Variants in CA1 observed in about 807,000 individuals in gnomAD.
CA1 encodes the protein carbonic anhydrase 1.
Under a neutral mutation model 28.8 loss-of-function variants are expected in CA1, and 27 were observed. The ratio of observed to expected loss-of-function variants is 0.94; its 90% confidence interval spans 0.69 to 1.29. CA1 has a LOEUF of 1.29. CA1 is among the 50% of genes most tolerant of loss of function. The pLI, the probability that CA1 is intolerant of heterozygous loss-of-function variation, is 0.00. For synonymous variants in CA1, 121 were observed against 108.8 expected (o/e 1.11, Z -0.70); for missense variants, 335 against 310.5 (o/e 1.08, Z -0.59).
chr8:85,348,659 CTTT>C (rs1809293416), intron 1 of CA1, among the ~76,000 whole-genome samples: 1 of 152,062 alleles, frequency 6.6e-6, no homozygotes, highest in African/African-American at 2.4e-5. Flanking sequence ...TCTAGACTGT[CTTT>C]TGTTTCACAG....
chr8:85,374,967 G>A (rs561331078), intron 1 of CA1, among the ~76,000 whole-genome samples: 1 of 152,224 alleles, frequency 6.6e-6, no homozygotes, highest in South Asian at 2.1e-4. Flanking sequence ...ACCTGATACA[G>A]GAAATATGAT....
At chr8:85,345,575 A>G (rs868799025) in intron 1 of CA1, among the ~76,000 whole-genome samples, 1 of 152,196 alleles carries the variant, frequency 6.6e-6, no homozygotes, top group Non-Finnish European at 1.5e-5. Context: ...AGACACTTAT[A>G]GAGAGAATAA....
In CA1 at chr8:85,336,900, G is replaced by T. The variant is rs747041787; in HGVS notation, c.354+45C>A. On this transcript the variant is annotated intron_variant, in intron 4 of 7. Transcript: ENST00000523022. ...AAAAGAAGGGAGAAGCTGCTTCTGGGAGTACTCTCAGGGTAATTATCTCTC... is the reference window on the plus strand; with the variant it reads ...AAAAGAAGGGAGAAGCTGCTTCTGGTAGTACTCTCAGGGTAATTATCTCTC... 7 of 1,126,552 alleles carry T rather than the reference G, an allele frequency of 6.2e-6. No homozygotes were observed. The South Asian group carries it at 8.6e-5, about 14-fold the overall frequency. The allele number at this position is 1,126,552 out of a possible 1,614,324, so 69.8% of individuals were successfully genotyped here.
chr8:85,370,579 C>T (rs999712876), intron 1 of CA1, among the ~76,000 whole-genome samples: 5 of 152,066 alleles, frequency 3.3e-5, no homozygotes, highest in African/African-American at 1.2e-4. Context: ...ATATGGAACT[C>T]AGTAACCATG....
chr8:85,372,151 A>C (rs1810251438), intron 1 of CA1, among the ~76,000 whole-genome samples: 1 of 152,198 alleles, frequency 6.6e-6, no homozygotes. Flanking sequence ...CGAGGAAACA[A>C]AATCATGGAC....
At chr8:85,328,738 A>G (rs1808277246) in intron 7 of CA1, 62 bp from the exon 8 acceptor site, 2 of 1,012,000 alleles carry the variant, frequency 2.0e-6, no homozygotes, top group Non-Finnish European at 3.1e-6. Context: ...CGTTTTATTT[A>G]CAGGATTACT....
chr8:85,365,254 G>A (rs1434778326), intron 1 of CA1, among the ~76,000 whole-genome samples: 1 of 152,190 alleles, frequency 6.6e-6, no homozygotes, highest in Non-Finnish European at 1.5e-5. Flanking sequence ...GGATTATCTG[G>A]GGAGTAAACT....
intron 6 of CA1, among the ~76,000 whole-genome samples, chr8:85,331,846 CTTGAG>C (rs768264958): frequency 2.0e-5 from 3 of 151,848 alleles, no homozygotes; most frequent in Non-Finnish European, 4.4e-5. Context: ...TTTGATAACT[CTTGAG>C]TTGAGGGCTT....
chr8:85,361,607 G>A (rs1489688906), intron 1 of CA1, among the ~76,000 whole-genome samples: 2 of 152,128 alleles, frequency 1.3e-5, no homozygotes, highest in African/African-American at 2.4e-5. Context: ...AACCCAGGGG[G>A]TGGAGGTTGC....
At chr8:85,362,494 A>C (rs1809836149) in intron 1 of CA1, among the ~76,000 whole-genome samples, 1 of 152,166 alleles carries the variant, frequency 6.6e-6, no homozygotes, top group Non-Finnish European at 1.5e-5. Context: ...AGGAGGAAAC[A>C]GGCCAAACTG....
intron 1 of CA1, among the ~76,000 whole-genome samples, chr8:85,377,220 T>C (rs1810453961): frequency 6.6e-6 from 1 of 152,200 alleles, no homozygotes; most frequent in African/African-American, 2.4e-5. Context: ...ACACAGTGTT[T>C]GAATGTTTAA....
chr8:85,331,330 T>G (rs1469730858), intron 6 of CA1, among the ~76,000 whole-genome samples: 1 of 152,068 alleles, frequency 6.6e-6, no homozygotes, highest in Non-Finnish European at 1.5e-5. Context: ...TATGTACGGC[T>G]TTTTTTCTCT....
intron 1 of CA1, among the ~76,000 whole-genome samples, chr8:85,355,263 CG>C (rs1809560129): frequency 1.3e-5 from 2 of 152,232 alleles, no homozygotes; most frequent in South Asian, 4.1e-4. Flanking sequence ...CTGGTATACA[CG>C]AACACTGAGA....
intron 1 of CA1, among the ~76,000 whole-genome samples, chr8:85,356,462 A>T (rs1809609394): frequency 6.6e-6 from 1 of 152,166 alleles, no homozygotes. Flanking sequence ...TTGCAAATTG[A>T]TAAATGCAAG....
intron 1 of CA1, among the ~76,000 whole-genome samples, chr8:85,377,102 TTTG>T (rs1201330636): frequency 1.3e-5 from 2 of 152,202 alleles, no homozygotes; most frequent in Non-Finnish European, 2.9e-5. Flanking sequence ...TGAAAGATTG[TTTG>T]TTAAGTTACT....
At chr8:85,338,694 CTCTCTCTCT>C in intron 2 of CA1, among the ~76,000 whole-genome samples, 1 of 97,440 alleles carries the variant, frequency 1.0e-5, no homozygotes, top group African/African-American at 4.2e-5. Flanking sequence ...CCTTCTTTCT[CTCTCTCTCT>C]TTCTTTCTCT....
intron 1 of CA1, among the ~76,000 whole-genome samples, chr8:85,343,412 C>T (rs1253405841): frequency 6.6e-6 from 1 of 152,106 alleles, no homozygotes; most frequent in South Asian, 2.1e-4. Flanking sequence ...CAACAATTGT[C>T]CACTGACCTC....
intron 1 of CA1, among the ~76,000 whole-genome samples, chr8:85,353,261 G>T (rs2130298947): frequency 6.6e-6 from 1 of 152,316 alleles, no homozygotes; most frequent in Admixed American, 6.5e-5. Context: ...CTCACACATT[G>T]TGAAAAATCA....
intron 6 of CA1, among the ~76,000 whole-genome samples, chr8:85,331,754 G>A (rs888614146): frequency 5.9e-5 from 9 of 151,662 alleles, no homozygotes; most frequent in Admixed American, 3.9e-4. Context: ...CACCACACCC[G>A]GCCATCATTT....
Sources: allele counts gnomAD v4.1 joint callset (sites outside exome capture counted in the v4.1 genomes callset), GRCh38; gene constraint gnomAD v4.1.1; transcripts MANE v1.5; gene names NCBI Gene and HGNC (gene_info 2026-07-23, HGNC 2026-07-21).